SMARCA2: variants seen among roughly 807,000 people sequenced by gnomAD.
The protein encoded by SMARCA2 is SWI/SNF related BAF chromatin remodeling complex subunit ATPase 2.
Under a neutral mutation model 199.8 loss-of-function variants are expected in SMARCA2, and 61 were observed. The ratio of observed to expected loss-of-function variants is 0.31; its 90% CI spans 0.25 to 0.38. The LOEUF is 0.38. Among genes scored for constraint, SMARCA2 ranks in the 10% least tolerant of loss-of-function variants. The pLI, the probability that SMARCA2 is intolerant of heterozygous loss-of-function variation, is 1.00. For missense variants in SMARCA2, 1,344 were observed against 2,012.2 expected, an observed-to-expected ratio of 0.67 and a Z score of 6.35; for synonymous variants, 935 against 732.0, an observed-to-expected ratio of 1.28 and a Z score of -4.48.
At position 2,070,460 on chromosome 9, in the gene SMARCA2, C is replaced by G; in HGVS notation, c.1735C>G (p.Pro579Ala). 1 of 1,613,348 alleles carries G rather than the reference C, an allele frequency of 6.2e-7. No individual in the cohort carries two copies. Among genetic ancestry groups the G allele is most frequent in the Non-Finnish European group, 8.5e-7 (1 of 1,179,388 alleles). Residue 579 changes from proline to alanine, a missense_variant, in exon 10 of 34, where the codon CCG (proline) becomes GCG (alanine). By Grantham distance (27) the Pro-to-Ala change is conservative (BLOSUM62 -1). Transcript: ENST00000349721. ...NAEGGESALG[P>A]DGEPIDESSQ... ...AGAGGGTGGGGAGTCTGCCCTGGGACCGGATGGAGAGGTAAGGGATCGTCA... is the reference window on the plus strand; with the variant it reads ...AGAGGGTGGGGAGTCTGCCCTGGGAGCGGATGGAGAGGTAAGGGATCGTCA...
Position 2,116,013 on chromosome 9 carries a change from C to G in SMARCA2, c.3648C>G (p.Phe1216Leu). ...CTTCAAGCCACGAGCGGAGGGCATT[C>G]CTGCAGGCCATCTTGGAGCATGAGG... ...QKSSSHERRA[F>L]LQAILEHEEE... The change falls in exon 25 of 34, where the codon TTC (phenylalanine) becomes TTG (leucine). Residue 1216 changes from phenylalanine (F) to leucine (L), a missense_variant. Coordinates refer to ENST00000349721, the MANE Select transcript of SMARCA2 (RefSeq NM_003070.5). 1 of 1,614,058 alleles carries G rather than the reference C, an allele frequency of 6.2e-7. No individual in the cohort carries two copies. Among genetic ancestry groups the G allele is most frequent in the Non-Finnish European group, 8.5e-7 (1 of 1,179,954 alleles).
rs116695461 is a variant in SMARCA2, at chr9:2,139,473, C to T, written c.3981+15536C>T. Reference sequence around the variant, plus strand: ...AACACTGGTGTGATATTGTGAAGTCCAGCACGCTAGAGTGTCAACATTCCA... The same window carrying T: ...AACACTGGTGTGATATTGTGAAGTCTAGCACGCTAGAGTGTCAACATTCCA... On this transcript the variant is annotated intron_variant, in intron 27 of 33. Coordinates refer to ENST00000349721, the MANE Select transcript of SMARCA2 (RefSeq NM_003070.5). 3.3e-3 allele frequency among the ~76,000 whole-genome samples: 503 copies of T among 152,246 alleles called. 2 individuals are homozygous for T. Among genetic ancestry groups the T allele is most frequent in the African/African-American group, 0.011 (477 of 41,528 alleles).
In SMARCA2 at chr9:2,173,089, A is replaced by G. The variant is rs76044650; in HGVS notation, c.4253+2617A>G. ...GAGGAGGAGGAGGAAGAGAACTCACATAGCTCTTGGATCTCTGCCCTGAGT... is the reference window on the plus strand; with the variant it reads ...GAGGAGGAGGAGGAAGAGAACTCACGTAGCTCTTGGATCTCTGCCCTGAGT... On this transcript the variant is annotated intron_variant, in intron 29 of 33. Coordinates refer to ENST00000349721, the MANE Select transcript of SMARCA2 (RefSeq NM_003070.5). Among the ~76,000 whole-genome samples the G allele has an allele frequency of 3.3e-3, 506 of 152,324 alleles. 2 individuals carry two copies. Among genetic ancestry groups the G allele is most frequent in the African/African-American group, 0.012 (484 of 41,564 alleles).
intron 27 of SMARCA2, among the ~76,000 whole-genome samples, chr9:2,139,590 T>C (rs917540258): frequency 6.6e-6 from 1 of 152,228 alleles, no homozygotes; most frequent in African/African-American, 2.4e-5. Flanking sequence ...GCTGCCATTT[T>C]ATCTGATGAT....
chr9:2,046,529 C>G (rs1055001904), intron 4 of SMARCA2, among the ~76,000 whole-genome samples: 1 of 152,136 alleles, frequency 6.6e-6, no homozygotes, highest in Non-Finnish European at 1.5e-5. Context: ...CCAGACTTCA[C>G]TGATTAAACC....
chr9:2,029,579 GT>G (rs1299767382), intron 2 of SMARCA2, among the ~76,000 whole-genome samples: 1 of 152,036 alleles, frequency 6.6e-6, no homozygotes, highest in Non-Finnish European at 1.5e-5. Context: ...TCCTATCTGT[GT>G]TAAGTAACTT....
Position 2,087,196 on chromosome 9 carries a change from A to C in SMARCA2, c.2769+125A>C, listed in dbSNP as rs1586690984. ...GTTTCCACTGTTGTTTATTTTATGA[A>C]ACCCATCGGTGGGTGGACATGGTCT... On this transcript the variant is annotated intron_variant, in intron 18 of 33. Transcript: ENST00000349721. The C allele has an allele frequency of 5.1e-6, 6 of 1,170,462 alleles. No individual in the cohort carries two copies. The East Asian group carries it at 1.4e-4, about 28-fold the overall frequency. 72.5% of individuals were successfully genotyped at this position (1,170,462 alleles called of 1,614,324 possible). A position where few individuals can be genotyped will look rare whatever the true frequency, so the allele number is the denominator to read the frequency against.
In SMARCA2 at chr9:2,104,456, T is replaced by G. The variant is rs1453054308; in HGVS notation, c.3292+287T>G. 6.6e-6 allele frequency among the ~76,000 whole-genome samples: 1 copy of G among 152,220 alleles called. No homozygotes were observed. ...TAAACTAAATTAAAATTTTAAAATC[T>G]TCCTTGCTCTTAAAATTGTTACCTA... On this transcript the variant is annotated intron_variant, in intron 23 of 33. Transcript: ENST00000349721. The surrounding 1 kb of genome is among the most constrained non-coding windows in gnomAD (Gnocchi z 4.0).
chr9:2,101,734 T>A, intron 22 of SMARCA2, 118 bp downstream of exon 22: 1 of 525,560 alleles, frequency 1.9e-6, no homozygotes, highest in Non-Finnish European at 3.4e-6. Flanking sequence ...TAAGGGCTCT[T>A]CAGTGGAGAA....
Position 2,111,041 on chromosome 9 carries a change from G to GTT in SMARCA2, c.3456+627_3456+628dup, listed in dbSNP as rs371262213. 4.3e-3 allele frequency among the ~76,000 whole-genome samples: 633 copies of GTT among 147,876 alleles called. 4 individuals carry two copies. Among genetic ancestry groups the GTT allele is most frequent in the South Asian group, 0.028 (133 of 4,700 alleles). ...TATCCTTTTAAAGCAGTACTTTGAT[G>GTT]TTTTGTTTTTTTTTTTTTAAATTGA... is the stretch of plus-strand genomic sequence containing the variant. On this transcript the variant is annotated intron_variant, in intron 24 of 33. Transcript: ENST00000349721.
intron 10 of SMARCA2, 100 bp downstream of exon 10, chr9:2,070,571 CT>C (rs1423971511): frequency 2.8e-5 from 23 of 815,392 alleles, no homozygotes; most frequent in Middle Eastern, 2.6e-4. Context: ...TCTTACTGTG[CT>C]ATTTATTTTA....
chr9:2,177,485 A>C (rs1470311420), intron 29 of SMARCA2, among the ~76,000 whole-genome samples: 2 of 152,178 alleles, frequency 1.3e-5, no homozygotes, highest in African/African-American at 4.8e-5. Context: ...GACCCTCACT[A>C]ATTATCAATT....
At chr9:2,054,405 T>C (rs1820258396) in intron 5 of SMARCA2, among the ~76,000 whole-genome samples, 192 bp from the exon 6 acceptor site, 1 of 152,248 alleles carries the variant, frequency 6.6e-6, no homozygotes, top group African/African-American at 2.4e-5. Context: ...CATATACCTG[T>C]CTGCATTAAT....
intron 27 of SMARCA2, among the ~76,000 whole-genome samples, chr9:2,147,500 A>G (rs73638394): frequency 0.026 from 4,033 of 152,304 alleles, 164 homozygotes; most frequent in African/African-American, 0.092. Flanking sequence ...CACATAAATC[A>G]CACATAATCT....
intron 13 of SMARCA2, among the ~76,000 whole-genome samples, 194 bp from the exon 14 acceptor site, chr9:2,077,435 C>T (rs1170346042): frequency 6.6e-6 from 1 of 152,148 alleles, no homozygotes; most frequent in Admixed American, 6.5e-5. Flanking sequence ...TGGGGATGAT[C>T]ATCATAACGC....
Position 2,125,707 on chromosome 9 carries a change from C to G in SMARCA2, c.3981+1770C>G, listed in dbSNP as rs576148391. Among the ~76,000 whole-genome samples the G allele has an allele frequency of 2.0e-4, 31 of 152,258 alleles. No individual in the cohort carries two copies. In the South Asian group the frequency reaches 5.8e-3, roughly 29 times the overall value. On this transcript the variant is annotated intron_variant, in intron 27 of 33. Coordinates refer to ENST00000349721, the MANE Select transcript of SMARCA2 (RefSeq NM_003070.5). ...GTTTCACCATGTTGGTCAGGCTGGT[C>G]TCAAACTCCTGAGCTCGGGTGATCC...
chr9:2,174,974 G>A (rs1826475030), intron 29 of SMARCA2, among the ~76,000 whole-genome samples: 1 of 145,396 alleles, frequency 6.9e-6, no homozygotes, highest in Admixed American at 6.9e-5. Context: ...GGCAGGAAAG[G>A]ATCAAAGGAC....
intron 19 of SMARCA2, 71 bp from the exon 20 acceptor site, chr9:2,096,586 C>T: frequency 2.2e-6 from 2 of 911,278 alleles, no homozygotes; most frequent in South Asian, 2.7e-5. Flanking sequence ...GTGACACTGA[C>T]TCAGCAGTCT....
intron 10 of SMARCA2, 56 bp from the exon 11 acceptor site, chr9:2,073,156 A>AG (rs1586674668): frequency 4.4e-6 from 7 of 1,603,856 alleles, no homozygotes; most frequent in Non-Finnish European, 6.0e-6. Flanking sequence ...CGTCCAGTAC[A>AG]GGACTGGGGG....
Sources: gnomAD v4.1 joint callset for allele counts (sites outside exome capture counted in the v4.1 genomes callset) on GRCh38, gnomAD v4.1.1 for gene constraint, Gnocchi (gnomAD v3.1) non-coding constraint, MANE v1.5 for transcripts, NCBI Gene and HGNC (gene_info 2026-07-23, HGNC 2026-07-21) for gene names.